The following OS9 variants were observed in gnomAD, a reference collection of about 807,000 sequenced individuals.
OS9 encodes the protein protein OS-9.
In OS9, 58 loss-of-function variants were observed where a neutral mutation model predicts 84.7. That is an observed-to-expected ratio of 0.68 (90% CI 0.55 to 0.85). The LOEUF (loss-of-function observed/expected upper bound fraction) is 0.85. Ranked by LOEUF, OS9 falls within the 40% of genes least tolerant of loss-of-function variation. The probability of loss-of-function intolerance (pLI) is 0.00; values close to 1 mark genes in which losing one functional copy is unlikely to be tolerated. For missense variants in OS9, 760 were observed against 850.9 expected (o/e 0.89, Z 1.33); for synonymous variants, 278 against 320.8 (o/e 0.87, Z 1.43).
At position 57,717,932 on chromosome 12, in the gene OS9, G is replaced by A; in HGVS notation, c.1108G>A (p.Glu370Lys). The change falls in exon 10 of 15, where the codon GAG becomes AAG. Residue 370 changes from glutamate (E) to lysine (K), a missense_variant. Glu to Lys is a moderately conservative substitution (Grantham distance 56). Coordinates refer to ENST00000315970, the MANE Select transcript of OS9 (RefSeq NM_006812.4). ...CCCTGCGGATTTGATTCGATTCATA[G>A]AGGAGCTGAAAGGTGGAACAAAAAA... ...RSPADLIRFI[E>K]ELKGGTKKGK... 6.2e-7 allele frequency: 1 copy of A among 1,612,464 alleles called. No homozygotes were observed. The highest frequency in any genetic ancestry group is 8.5e-7 in the Non-Finnish European group (1 of 1,179,446).
At chr12:57,716,980 A>G (rs914917503) in intron 9 of OS9, among the ~76,000 whole-genome samples, 4 of 152,222 alleles carry the variant, frequency 2.6e-5, no homozygotes, top group Non-Finnish European at 5.9e-5. Flanking sequence ...TTTCTTACCC[A>G]TAAAATGAGG....
At position 57,716,091 on chromosome 12, in the gene OS9, G is replaced by T. The variant is rs376602473; in HGVS notation, c.791-1G>T. On this transcript the variant is annotated splice_acceptor_variant, in intron 6 of 14. Coordinates refer to ENST00000315970, the MANE Select transcript of OS9 (RefSeq NM_006812.4). LOFTEE classifies it high-confidence loss of function. Reference sequence around the variant, plus strand: ...CCTGCTTGCATGCTGTTTCTCAGTAGACTCAAAGCAGTATGGAGATAAAAT... The same window carrying T: ...CCTGCTTGCATGCTGTTTCTCAGTATACTCAAAGCAGTATGGAGATAAAAT... 45 of 1,612,798 alleles carry T rather than the reference G, an allele frequency of 2.8e-5. No individual in the cohort carries two copies. The highest frequency in any genetic ancestry group is 3.7e-5 in the Non-Finnish European group (44 of 1,179,012).
At chr12:57,704,082 C>G (rs1328094958) in intron 5 of OS9, among the ~76,000 whole-genome samples, 4 of 152,084 alleles carry the variant, frequency 2.6e-5, no homozygotes, top group Non-Finnish European at 5.9e-5. Context: ...GGTTTTTTCC[C>G]CTTCATTCTA....
At chr12:57,716,030 A>G (rs1050317064) in intron 6 of OS9, 60 bp downstream of exon 6, 5 of 1,597,210 alleles carry the variant, frequency 3.1e-6, no homozygotes, top group Non-Finnish European at 4.3e-6. Flanking sequence ...GTGGCAAAAG[A>G]TCAAGTATTG....
At chr12:57,718,820 G>A (rs536218763) in intron 11 of OS9, among the ~76,000 whole-genome samples, 173 bp from the exon 12 acceptor site, 55 of 151,358 alleles carry the variant, frequency 3.6e-4, no homozygotes, top group African/African-American at 1.3e-3. Flanking sequence ...CAAGAGAATC[G>A]CTCGAACCCG....
intron 5 of OS9, among the ~76,000 whole-genome samples, chr12:57,704,291 CT>C (rs1954106089): frequency 6.6e-6 from 1 of 151,968 alleles, no homozygotes; most frequent in Non-Finnish European, 1.5e-5. Flanking sequence ...AATCCCAGCA[CT>C]TTGGGAGGCC....
chr12:57,697,397 G>A (rs1953879657), intron 5 of OS9, among the ~76,000 whole-genome samples: 1 of 152,234 alleles, frequency 6.6e-6, no homozygotes, highest in Non-Finnish European at 1.5e-5. Context: ...TGGTGGCAGT[G>A]GAGGTGATGG....
At chr12:57,704,250 T>C (rs1487737994) in intron 5 of OS9, among the ~76,000 whole-genome samples, 1 of 152,206 alleles carries the variant, frequency 6.6e-6, no homozygotes, top group East Asian at 1.9e-4. Flanking sequence ...ATAAAAGATA[T>C]TAGTCGCCGG....
intron 5 of OS9, among the ~76,000 whole-genome samples, chr12:57,697,924 TACACACACACACACACAC>T (rs61407014): frequency 1.1e-5 from 1 of 91,546 alleles, no homozygotes; most frequent in South Asian, 3.0e-4. Flanking sequence ...CACACACACA[TACACACACACACACACAC>T]ACACACACAC....
intron 2 of OS9, 59 bp downstream of exon 2, chr12:57,694,985 C>G: frequency 1.4e-6 from 2 of 1,479,204 alleles, no homozygotes; most frequent in Non-Finnish European, 1.9e-6. Context: ...CATCCAAGAA[C>G]TGGAGTCCAC....
chr12:57,705,650 C>T (rs1217582953), intron 5 of OS9, among the ~76,000 whole-genome samples: 4 of 152,092 alleles, frequency 2.6e-5, no homozygotes, highest in South Asian at 2.1e-4. Context: ...CTCAACCTCC[C>T]GAGTAGCTGG....
intron 14 of OS9, 30 bp downstream of exon 14, chr12:57,720,548 C>A: frequency 6.7e-7 from 1 of 1,503,626 alleles, no homozygotes; most frequent in Non-Finnish European, 9.3e-7. Context: ...GAGTCCTGGC[C>A]CCCAGCCCTC....
chr12:57,716,279 T>TGGGGGGG (rs141328077), intron 7 of OS9, 86 bp downstream of exon 7: 2 of 511,644 alleles, frequency 3.9e-6, no homozygotes, highest in South Asian at 2.0e-5. Context: ...ACTGGTGGGG[T>TGGGGGGG]GGGGGGGGGT....
chr12:57,697,924 T>TACACACACACACACACACACACACAC, intron 5 of OS9, among the ~76,000 whole-genome samples: 1 of 91,546 alleles, frequency 1.1e-5, no homozygotes, highest in Non-Finnish European at 2.4e-5. Flanking sequence ...CACACACACA[T>TACACACACACACACACACACACACAC]ACACACACAC....
intron 5 of OS9, among the ~76,000 whole-genome samples, chr12:57,697,938 C>T (rs868353692): frequency 6.8e-6 from 1 of 146,340 alleles, no homozygotes; most frequent in Non-Finnish European, 1.5e-5. Context: ...CACACACACA[C>T]ACACACACAC....
chr12:57,719,543 C>A, intron 12 of OS9: 1 of 228,578 alleles, frequency 4.4e-6, no homozygotes, highest in South Asian at 8.9e-5. Context: ...CAAGAGAGGC[C>A]CCAGCTGTCA....
chr12:57,695,834 C>T lies in OS9; in HGVS notation c.394C>T (p.His132Tyr), dbSNP rs1953810780. ...FCYGRHIQQYHMEDSEIKGEV... is the reference protein window; with the variant it reads ...FCYGRHIQQYYMEDSEIKGEV... Reference sequence around the variant, plus strand: ...TTATGGACGCCACATCCAGCAATACCACATGGAAGGTAACTCACTCCTATA... The same window carrying T: ...TTATGGACGCCACATCCAGCAATACTACATGGAAGGTAACTCACTCCTATA... The change falls in exon 3 of 15, where the codon CAC becomes TAC. Residue 132 changes from histidine to tyrosine, a missense_variant. Transcript: ENST00000315970. 1 of 1,610,040 alleles carries T rather than the reference C, an allele frequency of 6.2e-7. No individual in the cohort carries two copies. The highest frequency in any genetic ancestry group is 2.2e-5 in the East Asian group (1 of 44,852).
intron 5 of OS9, among the ~76,000 whole-genome samples, chr12:57,699,965 G>T (rs1186529026): frequency 6.6e-6 from 1 of 152,066 alleles, no homozygotes; most frequent in East Asian, 1.9e-4. Context: ...TGTGGTGGTG[G>T]GCGCCTGTAA....
chr12:57,708,576 T>A (rs769838643), intron 5 of OS9, among the ~76,000 whole-genome samples: 19 of 151,522 alleles, frequency 1.3e-4, no homozygotes, highest in Non-Finnish European at 2.5e-4. Flanking sequence ...TGCAGTGAGC[T>A]ATTGTCATAC....
Sources: allele counts gnomAD v4.1 joint callset (sites outside exome capture counted in the v4.1 genomes callset), GRCh38; gene constraint gnomAD v4.1.1; transcripts MANE v1.5; gene names NCBI Gene and HGNC (gene_info 2026-07-23, HGNC 2026-07-21).